The following SOX6 variants were observed in gnomAD, a reference collection of about 807,000 sequenced individuals.
The protein encoded by SOX6 is SRY-box transcription factor 6.
Under a neutral mutation model 97.8 loss-of-function variants are expected in SOX6, and 11 were observed. The ratio of observed to expected loss-of-function variants is 0.11; its 90% confidence interval spans 0.07 to 0.19. The LOEUF (loss-of-function observed/expected upper bound fraction) is 0.19, where lower values mean the gene tolerates loss of function less well. Among genes scored for constraint, SOX6 ranks in the 10% least tolerant of loss-of-function variants. SOX6 has a pLI of 1.00. For missense variants in SOX6, 810 were observed against 1,039.5 expected (o/e 0.78, Z 3.04); for synonymous variants, 360 against 371.4 (o/e 0.97, Z 0.35).
Position 16,555,647 on chromosome 11 carries a change from C to A in SOX6, n.609+56434G>T, listed in dbSNP as rs114310570. 8.1e-3 allele frequency among the ~76,000 whole-genome samples: 1,231 copies of A among 151,496 alleles called. 15 individuals carry two copies. The highest frequency in any genetic ancestry group is 0.026 in the African/African-American group (1,080 of 41,432). ...AATTTCCCTGCTATACTATTGAATACAAAAATACAATTAGAAGGAATACAT... is the reference window on the plus strand; with the variant it reads ...AATTTCCCTGCTATACTATTGAATAAAAAAATACAATTAGAAGGAATACAT... On this transcript the variant is annotated intron_variant and non_coding_transcript_variant, in intron 4 of 5. Transcript: ENST00000524520.
chr11:16,249,396 C>T (rs540899953), intron 3 of SOX6, among the ~76,000 whole-genome samples: 9 of 152,284 alleles, frequency 5.9e-5, no homozygotes, highest in African/African-American at 2.2e-4. Context: ...TGCTCCAGTT[C>T]CCAACAAGTT....
chr11:16,393,254 G>A (rs774718985), intron 1 of SOX6, among the ~76,000 whole-genome samples: 1 of 151,824 alleles, frequency 6.6e-6, no homozygotes, highest in South Asian at 2.1e-4. Context: ...GGAAGCTTTC[G>A]CCAATGAGCC....
At chr11:16,443,161 T>C (rs1222350665) in intron 1 of SOX6, among the ~76,000 whole-genome samples, 1 of 152,210 alleles carries the variant, frequency 6.6e-6, no homozygotes, top group Non-Finnish European at 1.5e-5. Flanking sequence ...AGTGTTAACC[T>C]ACTCAATGAA....
chr11:16,632,645 G>A (rs749011636), intron 3 of SOX6, among the ~76,000 whole-genome samples: 5 of 152,194 alleles, frequency 3.3e-5, no homozygotes, highest in Non-Finnish European at 7.3e-5. Flanking sequence ...CAGCACTGAG[G>A]GAGAATCGAA....
At chr11:16,350,295 G>A (rs1856906105) in intron 1 of SOX6, among the ~76,000 whole-genome samples, 1 of 152,148 alleles carries the variant, frequency 6.6e-6, no homozygotes, top group Admixed American at 6.6e-5. Flanking sequence ...AAATCAGAAG[G>A]AAAACAAGGA....
chr11:16,264,328 A>T (rs984729450), intron 3 of SOX6: 1 of 151,924 alleles, frequency 6.6e-6, no homozygotes, highest in Non-Finnish European at 1.5e-5. Flanking sequence ...TTCCTTCTAT[A>T]CAAAAGATGG....
At chr11:16,457,657 A>G (rs1235476011) in intron 1 of SOX6, among the ~76,000 whole-genome samples, 1 of 152,016 alleles carries the variant, frequency 6.6e-6, no homozygotes, top group Admixed American at 6.6e-5. Context: ...CTGCTATACT[A>G]TGCTTACTTA....
intron 1 of SOX6, among the ~76,000 whole-genome samples, chr11:16,417,733 T>C (rs1221690232): frequency 6.6e-6 from 1 of 152,200 alleles, no homozygotes; most frequent in Non-Finnish European, 1.5e-5. Context: ...AATATACATA[T>C]AACCATGGAA....
At chr11:16,627,222 G>A (rs187150396) in intron 3 of SOX6, among the ~76,000 whole-genome samples, 19 of 152,146 alleles carry the variant, frequency 1.2e-4, no homozygotes, top group Middle Eastern at 3.4e-3. Context: ...CCAGTCCACC[G>A]TTGATGGGCA....
At chr11:16,464,907 C>T (rs987647499) in intron 1 of SOX6, among the ~76,000 whole-genome samples, 4 of 152,078 alleles carry the variant, frequency 2.6e-5, no homozygotes, top group Non-Finnish European at 5.9e-5. Flanking sequence ...TGTAGAACTC[C>T]TTTTACATTG....
At chr11:16,252,605 G>C (rs1364980980) in intron 3 of SOX6, 2 of 152,208 alleles carry the variant, frequency 1.3e-5, no homozygotes, top group Non-Finnish European at 2.9e-5. Flanking sequence ...TTCCAGCAGG[G>C]GGAGGAGATT....
rs532787774 is a variant in SOX6, at chr11:15,969,827, G to C, written c.*2982C>G. The C allele has an allele frequency of 3.3e-5, 5 of 152,126 alleles. No individual in the cohort carries two copies. The South Asian group carries it at 1.0e-3, about 32-fold the overall frequency. The allele number at this position is 152,126 out of a possible 1,614,324, so 9.4% of individuals were successfully genotyped here. A position where few individuals can be genotyped will look rare whatever the true frequency, so the allele number is the denominator to read the frequency against. ...CATTCTTAATTTCCATGGATATTTA[G>C]AGCCAAACTTGGCTAATAAATAAAC... On this transcript the variant is annotated 3_prime_UTR_variant, in exon 16 of 16. Coordinates refer to ENST00000683767, the MANE Select transcript of SOX6 (RefSeq NM_001367873.1).
intron 12 of SOX6, among the ~76,000 whole-genome samples, chr11:16,031,891 C>A (rs1348057848): frequency 1.3e-5 from 2 of 151,800 alleles, no homozygotes; most frequent in Non-Finnish European, 2.9e-5. Flanking sequence ...GGCGATGCAT[C>A]CACAACCTCC....
chr11:16,017,744 C>A (rs1020847173), intron 12 of SOX6, among the ~76,000 whole-genome samples: 1 of 152,078 alleles, frequency 6.6e-6, no homozygotes. Flanking sequence ...CATTAAGCAT[C>A]CATGAGCATG....
chr11:16,606,908 A>T (rs1170899255), intron 4 of SOX6, among the ~76,000 whole-genome samples: 4 of 152,082 alleles, frequency 2.6e-5, no homozygotes, highest in Non-Finnish European at 5.9e-5. Context: ...CAAGAGGGGG[A>T]CGCATCCTCG....
In SOX6 at chr11:16,085,527, T is replaced by C. The variant is rs536061912; in HGVS notation, c.1101+10469A>G. Among the ~76,000 whole-genome samples, 29 of 152,244 alleles carry C rather than the reference T, an allele frequency of 1.9e-4. No individual in the cohort carries two copies. The East Asian group carries it at 5.2e-3, about 27-fold the overall frequency. ...ATTTCAAAAGACAGTACTTTCCAAT[T>C]TTTTTAGAAAATTTCTCTCCCAGCT... On this transcript the variant is annotated intron_variant, in intron 9 of 15. Transcript: ENST00000683767.
At chr11:16,655,501 T>A (rs760998210) in intron 3 of SOX6, among the ~76,000 whole-genome samples, 1 of 152,200 alleles carries the variant, frequency 6.6e-6, no homozygotes, top group Non-Finnish European at 1.5e-5. Context: ...TTAACAAAAA[T>A]TGAGCCTGAG....
At chr11:16,621,686 A>G (rs1269335950) in intron 3 of SOX6, among the ~76,000 whole-genome samples, 1 of 152,144 alleles carries the variant, frequency 6.6e-6, no homozygotes, top group African/African-American at 2.4e-5. Context: ...CAACTGCAGA[A>G]TTTTTTTCAG....
chr11:16,651,538 ATAGATG>A (rs1232133298), intron 3 of SOX6, among the ~76,000 whole-genome samples: 1 of 152,228 alleles, frequency 6.6e-6, no homozygotes, highest in Non-Finnish European at 1.5e-5. Context: ...GATCATCTCA[ATAGATG>A]TAGAAAAAGC....
Sources: gnomAD v4.1 joint callset for allele counts (sites outside exome capture counted in the v4.1 genomes callset) on GRCh38, gnomAD v4.1.1 for gene constraint, MANE v1.5 for transcripts, NCBI Gene and HGNC (gene_info 2026-07-23, HGNC 2026-07-21) for gene names.